Variants in NPHS2 observed in about 807,000 individuals in gnomAD.
The protein encoded by NPHS2 is podocin.
NPHS2 carries 36 observed loss-of-function variants against 37.1 expected under a neutral mutation model. The ratio of observed to expected loss-of-function variants is 0.97; its 90% CI spans 0.74 to 1.28. The LOEUF (loss-of-function observed/expected upper bound fraction) is 1.28. Ranked by LOEUF, NPHS2 falls within the 50% of genes most tolerant of loss-of-function variation. The pLI, the probability that NPHS2 is intolerant of heterozygous loss-of-function variation, is 0.00. For synonymous variants in NPHS2, 196 were observed against 189.3 expected, an observed-to-expected ratio of 1.04 and a Z score of -0.29; for missense variants, 447 against 488.1, an observed-to-expected ratio of 0.92 and a Z score of 0.79.
intron 4 of NPHS2, among the ~76,000 whole-genome samples, chr1:179,558,954 A>C (rs1416834387): frequency 6.6e-6 from 1 of 152,174 alleles, no homozygotes; most frequent in Non-Finnish European, 1.5e-5. Flanking sequence ...GAGAAACTAT[A>C]GAATGTGTAT....
chr1:179,569,126 G>C (rs1011897159), intron 1 of NPHS2, among the ~76,000 whole-genome samples: 1 of 152,158 alleles, frequency 6.6e-6, no homozygotes, highest in Non-Finnish European at 1.5e-5. Flanking sequence ...CTGTGTCATT[G>C]ATCTGTCTAA....
chr1:179,564,591 G>A (rs1392585156), intron 2 of NPHS2, 99 bp downstream of exon 2: 3 of 1,019,572 alleles, frequency 2.9e-6, no homozygotes, highest in Admixed American at 3.6e-5. Flanking sequence ...ATTCCACATG[G>A]AGCAATAACA....
chr1:179,553,725 T>G (rs35427395), intron 6 of NPHS2, among the ~76,000 whole-genome samples: 30,897 of 152,078 alleles, frequency 0.2, 3,814 homozygotes, highest in Non-Finnish European at 0.27. Flanking sequence ...AACCACAGTT[T>G]AAAATAGCAA....
chr1:179,575,521 C>G, intron 1 of NPHS2, 70 bp downstream of exon 1: 1 of 1,588,620 alleles, frequency 6.3e-7, no homozygotes, highest in Non-Finnish European at 8.5e-7. Flanking sequence ...GGGGATGACC[C>G]TTTCCACCTT....
chr1:179,566,820 G>A (rs1301801204), intron 1 of NPHS2, among the ~76,000 whole-genome samples: 1 of 152,168 alleles, frequency 6.6e-6, no homozygotes, highest in Non-Finnish European at 1.5e-5. Context: ...ATTAAATAGG[G>A]AATCCTTTCC....
chr1:179,560,721 A>G (rs563873311), intron 3 of NPHS2, among the ~76,000 whole-genome samples: 36 of 152,130 alleles, frequency 2.4e-4, no homozygotes, highest in African/African-American at 7.5e-4. Flanking sequence ...CAGACTGACC[A>G]TACTTCTATC....
At chr1:179,565,959 T>C (rs1299884969) in intron 1 of NPHS2, among the ~76,000 whole-genome samples, 4 of 152,360 alleles carry the variant, frequency 2.6e-5, no homozygotes, top group African/African-American at 9.6e-5. Flanking sequence ...ATTTTCTTAA[T>C]CCAGTCTATT....
At chr1:179,555,756 A>C (rs550911569) in intron 5 of NPHS2, among the ~76,000 whole-genome samples, 5 of 152,320 alleles carry the variant, frequency 3.3e-5, no homozygotes, top group Admixed American at 6.5e-5. Flanking sequence ...AGTAGGTTGG[A>C]GTATTAGATT....
chr1:179,575,426 C>G (rs1038214126), intron 1 of NPHS2, among the ~76,000 whole-genome samples, 165 bp downstream of exon 1: 1 of 152,206 alleles, frequency 6.6e-6, no homozygotes, highest in African/African-American at 2.4e-5. Context: ...CTCACCATAG[C>G]AGGTTGCTGG....
At position 179,573,071 on chromosome 1, in the gene NPHS2, A is replaced by G. The variant is rs183540049; in HGVS notation, c.274+2520T>C. 4.6e-3 allele frequency among the ~76,000 whole-genome samples: 705 copies of G among 152,210 alleles called. 4 individuals carry two copies. Among genetic ancestry groups the G allele is most frequent in the Non-Finnish European group, 8.0e-3 (541 of 68,006 alleles). On this transcript the variant is annotated intron_variant, in intron 1 of 7. Coordinates refer to ENST00000367615, the MANE Select transcript of NPHS2 (RefSeq NM_014625.4). ...GGTCTCAAACTCCAAGCCTCAAGTG[A>G]TCCTCTCACCTCAGCCTCCCTAAGT...
chr1:179,569,439 T>C (rs1376906239), intron 1 of NPHS2, among the ~76,000 whole-genome samples: 1 of 152,192 alleles, frequency 6.6e-6, no homozygotes, highest in Non-Finnish European at 1.5e-5. Flanking sequence ...TGTGAATCTT[T>C]GCACATCAGA....
intron 1 of NPHS2, among the ~76,000 whole-genome samples, chr1:179,572,092 T>C (rs765068753): frequency 1.3e-5 from 2 of 152,238 alleles, no homozygotes; most frequent in Non-Finnish European, 2.9e-5. Context: ...CGACCAGTCC[T>C]GGTGAGGTGA....
In NPHS2 at chr1:179,550,896, A is replaced by G; in HGVS notation, c.*277T>C. On this transcript the variant is annotated 3_prime_UTR_variant, in exon 8 of 8. Transcript: ENST00000367615. Reference sequence around the variant, plus strand: ...TTCCCAGAAGTCAAAATTTAACCACATCTAGACTCAAAATTCTTTCCAAAG... The same window carrying G: ...TTCCCAGAAGTCAAAATTTAACCACGTCTAGACTCAAAATTCTTTCCAAAG... 1 of 473,368 alleles carries G rather than the reference A, an allele frequency of 2.1e-6. No individual in the cohort carries two copies. Among genetic ancestry groups the G allele is most frequent in the East Asian group, 4.2e-5 (1 of 24,052 alleles). The allele number at this position is 473,368 out of a possible 1,614,324, so 29.3% of individuals were successfully genotyped here. A position where few individuals can be genotyped will look rare whatever the true frequency, so the allele number is the denominator to read the frequency against.
At chr1:179,557,576 T>C (rs917436808) in intron 4 of NPHS2, among the ~76,000 whole-genome samples, 2 of 152,222 alleles carry the variant, frequency 1.3e-5, no homozygotes, top group African/African-American at 2.4e-5. Flanking sequence ...AGCACTCTAA[T>C]GTGTTGCTCG....
Position 179,575,528 on chromosome 1 carries a change from C to A in NPHS2, c.274+63G>T. ...GGTCTCGTGGGGATGACCCTTTCCACCTTATCTGACGCCCCTTAGTTACCA... is the reference window on the plus strand; with the variant it reads ...GGTCTCGTGGGGATGACCCTTTCCAACTTATCTGACGCCCCTTAGTTACCA... On this transcript the variant is annotated intron_variant, in intron 1 of 7. Coordinates refer to ENST00000367615, the MANE Select transcript of NPHS2 (RefSeq NM_014625.4). The A allele has an allele frequency of 8.2e-6, 13 of 1,593,528 alleles. No individual in the cohort carries two copies. The South Asian group carries it at 1.3e-4, about 16-fold the overall frequency.
intron 1 of NPHS2, among the ~76,000 whole-genome samples, chr1:179,569,444 A>G (rs1397667380): frequency 6.6e-6 from 1 of 152,154 alleles, no homozygotes. Context: ...ATCTTTGCAC[A>G]TCAGATGGGT....
At chr1:179,572,036 G>A (rs530025075) in intron 1 of NPHS2, among the ~76,000 whole-genome samples, 119 of 152,342 alleles carry the variant, frequency 7.8e-4, no homozygotes, top group Non-Finnish European at 1.3e-3. Flanking sequence ...GTGAGGCAAC[G>A]CCCTGCCCTG....
Position 179,557,095 on chromosome 1 carries a change from G to C in NPHS2, c.670C>G (p.Arg224Gly). ...VQFLVQTTMKRLLAHRSLTEI... is the reference protein window; with the variant it reads ...VQFLVQTTMKGLLAHRSLTEI... ...GTGAGGGATCGATGTGCTAGGAGAC[G>C]CTTCATAGTGGTTTGCACAAGGAAT... Residue 224 changes from arginine to glycine, a missense_variant, in exon 5 of 8, where the codon CGT (arginine) becomes GGT (glycine). Physicochemically the swap from Arg to Gly is moderately radical, Grantham distance 125. Transcript: ENST00000367615. 8 of 1,614,046 alleles carry C rather than the reference G, an allele frequency of 5.0e-6. No homozygotes were observed. The highest frequency in any genetic ancestry group is 6.8e-6 in the Non-Finnish European group (8 of 1,179,976).
Position 179,556,929 on chromosome 1 carries a change from G to T in NPHS2, c.738+98C>A. 8.4e-7 allele frequency: 1 copy of T among 1,192,358 alleles called. No homozygotes were observed. Among genetic ancestry groups the T allele is most frequent in the Admixed American group, 2.0e-5 (1 of 50,500 alleles). The allele number at this position is 1,192,358 out of a possible 1,614,324, so 73.9% of individuals were successfully genotyped here. A position where few individuals can be genotyped will look rare whatever the true frequency, so the allele number is the denominator to read the frequency against. ...AGCTCCCAAAGGGATGGCCCCTAAG[G>T]GATGGAACTGGCCATAGAAGATTTA... On this transcript the variant is annotated intron_variant, in intron 5 of 7. Transcript: ENST00000367615. The surrounding 1 kb of genome is among the most constrained non-coding windows in gnomAD (Gnocchi z 4.1).
Sources: allele counts gnomAD v4.1 joint callset (sites outside exome capture counted in the v4.1 genomes callset), GRCh38; gene constraint gnomAD v4.1.1; non-coding constraint Gnocchi (gnomAD v3.1); transcripts MANE v1.5; gene names NCBI Gene and HGNC (gene_info 2026-07-23, HGNC 2026-07-21).